Variants in RARA observed in about 807,000 individuals in gnomAD.
RARA encodes the protein retinoic acid receptor alpha.
RARA carries 5 observed loss-of-function variants against 42.8 expected under a neutral mutation model. That is an observed-to-expected ratio of 0.12 (90% CI 0.06 to 0.25). The LOEUF is 0.25. Among genes scored for constraint, RARA ranks in the 10% least tolerant of loss-of-function variants. The pLI is 1.00. For missense variants in RARA, 402 were observed against 628.7 expected (o/e 0.64, Z 3.86); for synonymous variants, 256 against 259.5 (o/e 0.99, Z 0.13).
intron 2 of RARA, 32 bp downstream of exon 2, chr17:40,331,428 G>A: frequency 6.3e-7 from 1 of 1,599,520 alleles, no homozygotes; most frequent in Non-Finnish European, 8.5e-7. Flanking sequence ...GGGGTGGGAA[G>A]GGACTGTGGA....
intron 1 of RARA, among the ~76,000 whole-genome samples, chr17:40,313,508 A>G (rs1362556407): frequency 2.6e-5 from 4 of 152,042 alleles, no homozygotes; most frequent in Admixed American, 6.6e-5. Flanking sequence ...CTGCAGGGGG[A>G]ACCATTCCAT....
In RARA at chr17:40,354,447, C is replaced by A. The variant is rs145829003; in HGVS notation, c.953C>A (p.Pro318His). ...TTTGCCTTCGCCAACCAGCTGCTGC[C>A]CCTGGAGATGGATGATGCGGAGACG... ...LVFAFANQLLPLEMDDAETGL... is the reference protein window; with the variant it reads ...LVFAFANQLLHLEMDDAETGL... The change falls in exon 7 of 9, where the codon CCC becomes CAC. Residue 318 changes from proline (P) to histidine (H), a missense_variant. By Grantham distance (77) the Pro-to-His change is moderately conservative. Coordinates refer to ENST00000254066, the MANE Select transcript of RARA (RefSeq NM_000964.4). This position sits in a 1 kb window ranked among gnomAD's most constrained non-coding sequence, Gnocchi z 4.5. 2 of 1,614,142 alleles carry A rather than the reference C, an allele frequency of 1.2e-6. No individual in the cohort carries two copies. Among genetic ancestry groups the A allele is most frequent in the Non-Finnish European group, 1.7e-6 (2 of 1,180,034 alleles).
rs949281130 is a variant in RARA at position 40,356,722 on chromosome 17, A to T, written c.*496A>T. On this transcript the variant is annotated 3_prime_UTR_variant, in exon 9 of 9. Transcript: ENST00000254066. Reference sequence around the variant, plus strand: ...CCCTGCCATACCAACCCCAGGTATTAATTCTCGCTGGTTTTGTTTTTATTT... The same window carrying T: ...CCCTGCCATACCAACCCCAGGTATTTATTCTCGCTGGTTTTGTTTTTATTT... 3.0e-5 allele frequency: 16 copies of T among 535,362 alleles called. No homozygotes were observed. Among genetic ancestry groups the T allele is most frequent in the Non-Finnish European group, 5.0e-5 (14 of 278,384 alleles). 33.2% of individuals were successfully genotyped at this position (535,362 alleles called of 1,614,324 possible). A position where few individuals can be genotyped will look rare whatever the true frequency, so the allele number is the denominator to read the frequency against.
chr17:40,334,695 G>T (rs1012436243), intron 2 of RARA, among the ~76,000 whole-genome samples: 2 of 152,192 alleles, frequency 1.3e-5, no homozygotes, highest in Non-Finnish European at 2.9e-5. Context: ...GCCCCAGTCT[G>T]CCCATACCCT....
At position 40,356,718 on chromosome 17, in the gene RARA, TATTA is replaced by T. The variant is rs1377609340; in HGVS notation, c.*496_*499del. 1.9e-5 allele frequency: 10 copies of T among 536,468 alleles called. No individual in the cohort carries two copies. The highest frequency in any genetic ancestry group is 2.5e-5 in the Non-Finnish European group (7 of 278,936). 33.2% of individuals were successfully genotyped at this position (536,468 alleles called of 1,614,324 possible). A position where few individuals can be genotyped will look rare whatever the true frequency, so the allele number is the denominator to read the frequency against. On this transcript the variant is annotated 3_prime_UTR_variant, in exon 9 of 9. Transcript: ENST00000254066. ...CATACCCTGCCATACCAACCCCAGG[TATTA>T]ATTCTCGCTGGTTTTGTTTTTATTT...
At position 40,355,884 on chromosome 17, in the gene RARA, A is replaced by G. The variant is rs2034606309; in HGVS notation, c.1172-125A>G. 1.1e-6 allele frequency: 1 copy of G among 904,928 alleles called. No individual in the cohort carries two copies. The allele number at this position is 904,928 out of a possible 1,614,324, so 56.1% of individuals were successfully genotyped here. On this transcript the variant is annotated intron_variant, in intron 8 of 8. Coordinates refer to ENST00000254066, the MANE Select transcript of RARA (RefSeq NM_000964.4). The surrounding 1 kb of genome is among the most constrained non-coding windows in gnomAD (Gnocchi z 4.1). ...TAAGAGAGCTGGCTCGTGTCAAAGA[A>G]CTGAATCCCAAGAAAGATGCTAATA...
chr17:40,315,003 G>A (rs995654930), intron 1 of RARA, among the ~76,000 whole-genome samples: 5 of 151,436 alleles, frequency 3.3e-5, no homozygotes, highest in African/African-American at 1.2e-4. Flanking sequence ...AAGGGGTGAA[G>A]GAAAAGGTAG....
At chr17:40,340,602 C>T (rs1256424207) in intron 2 of RARA, among the ~76,000 whole-genome samples, 2 of 152,226 alleles carry the variant, frequency 1.3e-5, no homozygotes, top group Non-Finnish European at 2.9e-5. Context: ...AACTTACAAA[C>T]TTTCTCTTAT....
At position 40,351,929 on chromosome 17, in the gene RARA, C is replaced by T; in HGVS notation, c.489C>T (p.Asn163=). The change falls in exon 5 of 9, where the codon AAC becomes AAT. Residue 163 remains asparagine (N), a synonymous_variant. Coordinates refer to ENST00000254066, the MANE Select transcript of RARA (RefSeq NM_000964.4). This position sits in a 1 kb window ranked among gnomAD's most constrained non-coding sequence, Gnocchi z 4.1. The part of the protein sequence containing the change: ...MSKESVRNDR[N]KKKKEVPKPE... ...CCACAGCTGTGAGAAACGACCGAAA[C>T]AAGAAGAAGAAGGAGGTGCCCAAGC... 6.2e-7 allele frequency: 1 copy of T among 1,612,410 alleles called. No homozygotes were observed. The highest frequency in any genetic ancestry group is 8.5e-7 in the Non-Finnish European group (1 of 1,179,490).
intron 2 of RARA, chr17:40,341,162 G>A: frequency 4.4e-6 from 2 of 458,180 alleles, no homozygotes; most frequent in East Asian, 3.5e-5. Context: ...GCATCCCGAG[G>A]GCTTCTAGGA....
intron 1 of RARA, among the ~76,000 whole-genome samples, chr17:40,314,624 T>C (rs1598527247): frequency 6.6e-6 from 1 of 151,708 alleles, no homozygotes; most frequent in Non-Finnish European, 1.5e-5. Flanking sequence ...CCCAGAATGC[T>C]GAGGCCCATT....
rs2034493965 is a variant in RARA at position 40,352,692 on chromosome 17, C to T, written c.807+185C>T. On this transcript the variant is annotated intron_variant, in intron 6 of 8. Coordinates refer to ENST00000254066, the MANE Select transcript of RARA (RefSeq NM_000964.4). The surrounding 1 kb of genome is among the most constrained non-coding windows in gnomAD (Gnocchi z 4.9). The stretch of plus-strand genomic sequence containing the variant: ...CCACTCGTCTCCCTGTCCACTCAGC[C>T]ACCTAGCAGCCAGATGTGCAGGAGC... Among the ~76,000 whole-genome samples, 1 of 152,202 alleles carries T rather than the reference C, an allele frequency of 6.6e-6. No individual in the cohort carries two copies. Among genetic ancestry groups the T allele is most frequent in the Admixed American group, 6.5e-5 (1 of 15,284 alleles).
In RARA at chr17:40,352,986, A is replaced by T; in HGVS notation, c.807+479A>T. On this transcript the variant is annotated intron_variant, in intron 6 of 8. Coordinates refer to ENST00000254066, the MANE Select transcript of RARA (RefSeq NM_000964.4). The surrounding 1 kb of genome is among the most constrained non-coding windows in gnomAD (Gnocchi z 4.9). The stretch of plus-strand genomic sequence containing the variant: ...GCTGGGTGTCAGGAACCCAGCGGTG[A>T]ATGCACCACCATCCCCTCTCTTGAA... Among the ~76,000 whole-genome samples the T allele has an allele frequency of 6.6e-6, 1 of 152,196 alleles. No homozygotes were observed.
chr17:40,334,633 C>T (rs2143307166), intron 2 of RARA, among the ~76,000 whole-genome samples: 1 of 152,306 alleles, frequency 6.6e-6, no homozygotes, highest in Middle Eastern at 3.4e-3. Flanking sequence ...TGAGGCAGTT[C>T]CCAGGAGAGG....
Position 40,354,424 on chromosome 17 carries a change from T to C in RARA, c.930T>C (p.Phe310=). The part of the protein sequence containing the change: ...AGFGPLTDLV[F]AFANQLLPLE... The stretch of plus-strand genomic sequence containing the variant: ...TCGGCCCCCTCACCGACCTGGTCTT[T>C]GCCTTCGCCAACCAGCTGCTGCCCC... The change falls in exon 7 of 9, where the codon TTT becomes TTC. Residue 310 remains phenylalanine, a synonymous_variant. Transcript: ENST00000254066. The surrounding 1 kb of genome is among the most constrained non-coding windows in gnomAD (Gnocchi z 4.5). The C allele has an allele frequency of 6.2e-7, 1 of 1,613,742 alleles. No homozygotes were observed. The highest frequency in any genetic ancestry group is 8.5e-7 in the Non-Finnish European group (1 of 1,179,844).
chr17:40,336,454 C>T (rs947646696), intron 2 of RARA, among the ~76,000 whole-genome samples: 3 of 152,174 alleles, frequency 2.0e-5, no homozygotes, highest in Admixed American at 6.5e-5. Context: ...TGCAGTGGCA[C>T]GATCTTGGCT....
Position 40,355,240 on chromosome 17 carries a change from AGGGGGT to A in RARA, c.1013-20_1013-15del. 1 of 1,550,340 alleles carries A rather than the reference AGGGGGT, an allele frequency of 6.5e-7. No individual in the cohort carries two copies. Among genetic ancestry groups the A allele is most frequent in the Non-Finnish European group, 8.7e-7 (1 of 1,145,780 alleles). ...GGTGCAGCTGTGTTCCCAGCTGCTC[AGGGGGT>A]GGTTCTGCTTCCTCAGACCGCCAGG... On this transcript the variant is annotated splice_polypyrimidine_tract_variant and intron_variant, in intron 7 of 8. Transcript: ENST00000254066. This position sits in a 1 kb window ranked among gnomAD's most constrained non-coding sequence, Gnocchi z 4.1.
chr17:40,341,216 C>G (rs1315744609), intron 2 of RARA: 2 of 810,856 alleles, frequency 2.5e-6, no homozygotes, highest in Non-Finnish European at 3.5e-6. Context: ...TTTTATCTCT[C>G]CAGAGCTGGA....
chr17:40,314,725 GGT>G (rs940452392), intron 1 of RARA, among the ~76,000 whole-genome samples: 30 of 152,072 alleles, frequency 2.0e-4, no homozygotes, highest in African/African-American at 7.2e-4. Context: ...CAGTCTTGGT[GGT>G]GACTAAGTCA....
Sources: allele counts gnomAD v4.1 joint callset (sites outside exome capture counted in the v4.1 genomes callset), GRCh38; gene constraint gnomAD v4.1.1; non-coding constraint Gnocchi (gnomAD v3.1); transcripts MANE v1.5; gene names NCBI Gene and HGNC (gene_info 2026-07-23, HGNC 2026-07-21).